JMJD1C: variants seen among roughly 807,000 people sequenced by gnomAD.
JMJD1C encodes jumonji domain containing 1C, also known as jumonji domain-containing protein 1C.
A neutral mutation model predicts 245.3 loss-of-function variants in JMJD1C; 31 were observed. The observed-to-expected ratio is 0.13, with a 90% confidence interval of 0.09 to 0.17. The LOEUF is 0.17. JMJD1C is among the 10% of genes least tolerant of loss of function. The pLI is 1.00. For missense variants in JMJD1C, 2,691 were observed against 3,000.2 expected, an observed-to-expected ratio of 0.90 and a Z score of 2.41; for synonymous variants, 1,057 against 1,017.4, an observed-to-expected ratio of 1.04 and a Z score of -0.74.
chr10:63,170,405 T>C, intron 24 of JMJD1C, among the ~76,000 whole-genome samples: 1 of 152,242 alleles, frequency 6.6e-6, no homozygotes, highest in East Asian at 1.9e-4. Flanking sequence ...TTTGCTGTTG[T>C]TGATTCCTGA....
At chr10:63,329,256 T>C (rs1009768279) in intron 2 of JMJD1C, among the ~76,000 whole-genome samples, 7 of 148,930 alleles carry the variant, frequency 4.7e-5, no homozygotes, top group African/African-American at 1.0e-4. Context: ...AACTCCAGCC[T>C]AGGCAACAGG....
intron 2 of JMJD1C, among the ~76,000 whole-genome samples, chr10:63,289,466 A>C (rs1474789130): frequency 1.3e-5 from 2 of 152,222 alleles, no homozygotes; most frequent in Admixed American, 6.5e-5. Flanking sequence ...AACAGCAAAA[A>C]ATAACTTAAA....
intron 1 of JMJD1C, among the ~76,000 whole-genome samples, chr10:63,490,466 AGTGCAGTG>A (rs1954136455): frequency 6.8e-6 from 1 of 147,644 alleles, no homozygotes; most frequent in Non-Finnish European, 1.5e-5. Flanking sequence ...GCCAGGCTGG[AGTGCAGTG>A]GTGCAATCTT....
chr10:63,397,032 GTATA>G (rs1322536791), intron 1 of JMJD1C, among the ~76,000 whole-genome samples: 1 of 144,070 alleles, frequency 6.9e-6, no homozygotes, highest in African/African-American at 2.5e-5. Context: ...CTATTTACAT[GTATA>G]TATTTTTTCA....
intron 2 of JMJD1C, among the ~76,000 whole-genome samples, chr10:63,337,029 G>A (rs1419125133): frequency 6.6e-6 from 1 of 151,790 alleles, no homozygotes; most frequent in Non-Finnish European, 1.5e-5. Flanking sequence ...TTAGTAGAGA[G>A]GGGGTTTCAC....
Position 63,193,372 on chromosome 10 carries a change from A to G in JMJD1C, c.5835T>C (p.Asn1945=), listed in dbSNP as rs772405867. Residue 1945 remains asparagine, a synonymous_variant, in exon 15 of 26, where the codon AAT becomes AAC. Transcript: ENST00000399262. The part of the protein sequence containing the change: ...CTNKQNLQVG[N]FPTMNGVSQV... ...GAGATACACCATTCATTGTAGGAAAATTTCCAACTTGTAAATTCTGTTTGT... is the reference window on the plus strand; with the variant it reads ...GAGATACACCATTCATTGTAGGAAAGTTTCCAACTTGTAAATTCTGTTTGT... 4.4e-6 allele frequency: 7 copies of G among 1,602,960 alleles called. No homozygotes were observed. The Admixed American group carries it at 1.0e-4, about 24-fold the overall frequency.
rs191579555 is a variant in JMJD1C at position 63,282,948 on chromosome 10, C to T, written c.334-18184G>A. ...AGCCAAGATGGCCTCGGTCTCCTGA[C>T]CTTGTGATCTGCCTGCCTGGGCCTC... On this transcript the variant is annotated intron_variant, in intron 2 of 25. Coordinates refer to ENST00000399262, the MANE Select transcript of JMJD1C (RefSeq NM_032776.3). Among the ~76,000 whole-genome samples the T allele has an allele frequency of 4.3e-4, 66 of 152,320 alleles. 1 individual carries two copies. The highest frequency in any genetic ancestry group is 7.3e-5 in the Non-Finnish European group (5 of 68,036).
At chr10:63,171,035 G>A (rs887654662) in intron 24 of JMJD1C, among the ~76,000 whole-genome samples, 1 of 152,188 alleles carries the variant, frequency 6.6e-6, no homozygotes, top group Admixed American at 6.5e-5. Flanking sequence ...AGAACTTAGT[G>A]TGGAAAGATT....
At chr10:63,425,877 G>A (rs1950410940) in intron 1 of JMJD1C, among the ~76,000 whole-genome samples, 1 of 152,088 alleles carries the variant, frequency 6.6e-6, no homozygotes, top group African/African-American at 2.4e-5. Context: ...TATTCTATGT[G>A]AGTGTTCTTG....
chr10:63,236,404 A>C (rs7093380), intron 3 of JMJD1C, among the ~76,000 whole-genome samples: 7,819 of 152,260 alleles, frequency 0.051, 300 homozygotes, highest in African/African-American at 0.11. Flanking sequence ...TTGAAGAAAA[A>C]TGTGTTTTCT....
At chr10:63,392,966 C>A (rs1007569577) in intron 1 of JMJD1C, among the ~76,000 whole-genome samples, 1 of 148,658 alleles carries the variant, frequency 6.7e-6, no homozygotes, top group South Asian at 2.1e-4. Flanking sequence ...ACAGCCAACA[C>A]CGTATATGAA....
At chr10:63,483,375 T>C (rs1345717586) in intron 1 of JMJD1C, among the ~76,000 whole-genome samples, 2 of 152,198 alleles carry the variant, frequency 1.3e-5, no homozygotes, top group African/African-American at 4.8e-5. Flanking sequence ...GCCTTCGCAC[T>C]AGTAACATTT....
intron 19 of JMJD1C, 84 bp from the exon 20 acceptor site, chr10:63,185,737 GA>G: frequency 1.3e-6 from 1 of 794,680 alleles, no homozygotes; most frequent in Admixed American, 2.0e-5. Flanking sequence ...GTAAATGAAT[GA>G]ATGATTTGAT....
chr10:63,495,564 G>A (rs1484341809), intron 1 of JMJD1C, among the ~76,000 whole-genome samples: 1 of 152,072 alleles, frequency 6.6e-6, no homozygotes, highest in Non-Finnish European at 1.5e-5. Context: ...CTGAGGTCAG[G>A]AGTTCGAGAC....
intron 2 of JMJD1C, among the ~76,000 whole-genome samples, chr10:63,333,262 G>A (rs1203968849): frequency 6.6e-6 from 1 of 152,192 alleles, no homozygotes; most frequent in Non-Finnish European, 1.5e-5. Context: ...TCTTGCGTAT[G>A]AGAAAGGCAG....
chr10:63,356,615 A>AAAATTGCATTTCATTCACAAGGCTGTAT (rs1256013308), intron 2 of JMJD1C, among the ~76,000 whole-genome samples: 1 of 152,202 alleles, frequency 6.6e-6, no homozygotes, highest in Non-Finnish European at 1.5e-5. Context: ...ATAAGATATC[A>AAAATTGCATTTCATTCACAAGGCTGTAT]AAATTGCATT....
At chr10:63,176,563 A>G in intron 23 of JMJD1C, 90 bp from the exon 24 acceptor site, 1 of 944,770 alleles carries the variant, frequency 1.1e-6, no homozygotes, top group East Asian at 2.5e-5. Flanking sequence ...TGTAATAACA[A>G]ATCTTTTCTT....
chr10:63,432,387 T>C (rs1950811512), intron 1 of JMJD1C, among the ~76,000 whole-genome samples: 1 of 152,282 alleles, frequency 6.6e-6, no homozygotes, highest in African/African-American at 2.4e-5. Context: ...TGTGAAATCA[T>C]ACTTGGTTGT....
intron 2 of JMJD1C, among the ~76,000 whole-genome samples, chr10:63,281,457 CCTT>C (rs1857381379): frequency 9.3e-6 from 1 of 107,768 alleles, no homozygotes; most frequent in East Asian, 3.0e-4. Flanking sequence ...CTGCGCCTGG[CCTT>C]TTTTTTTTTT....
Sources: gnomAD v4.1 joint callset for allele counts (sites outside exome capture counted in the v4.1 genomes callset) on GRCh38, gnomAD v4.1.1 for gene constraint, MANE v1.5 for transcripts, NCBI Gene and HGNC (gene_info 2026-07-23, HGNC 2026-07-21) for gene names.